The following SKAP2 variants were observed in gnomAD, a reference collection of about 807,000 sequenced individuals.
The protein encoded by SKAP2 is src kinase-associated phosphoprotein 2.
A neutral mutation model predicts 54.9 loss-of-function variants in SKAP2; 28 were observed. The observed-to-expected ratio is 0.51, with a 90% CI of 0.38 to 0.70. The LOEUF is 0.70. Among genes scored for constraint, SKAP2 ranks in the 30% least tolerant of loss-of-function variants. The pLI is 0.00. For missense variants in SKAP2, 356 were observed against 424.1 expected, an observed-to-expected ratio of 0.84 and a Z score of 1.41; for synonymous variants, 137 against 134.3, an observed-to-expected ratio of 1.02 and a Z score of -0.14.
rs371677997 is a variant in SKAP2 at position 26,851,474 on chromosome 7, C to A, written c.199+2663G>T. Among the ~76,000 whole-genome samples, 25 of 151,924 alleles carry A rather than the reference C, an allele frequency of 1.6e-4. No homozygotes were observed. In the East Asian group the frequency reaches 3.5e-3, roughly 21 times the overall value. ...AGCAAACTATTGCAAGGACAAAAAA[C>A]CAAACACCGCGTGTTCTCACTCATA... On this transcript the variant is annotated intron_variant, in intron 3 of 12. Transcript: ENST00000345317.
At chr7:26,689,990 T>A (rs1786746154) in intron 10 of SKAP2, among the ~76,000 whole-genome samples, 1 of 152,234 alleles carries the variant, frequency 6.6e-6, no homozygotes, top group South Asian at 2.1e-4. Flanking sequence ...TCAATGATGA[T>A]AAGCTAATTT....
At chr7:26,674,042 T>C (rs952583578) in intron 11 of SKAP2, among the ~76,000 whole-genome samples, 1 of 152,160 alleles carries the variant, frequency 6.6e-6, no homozygotes, top group East Asian at 1.9e-4. Context: ...GCGAATGATA[T>C]GGTAAAAGAA....
intron 4 of SKAP2, among the ~76,000 whole-genome samples, chr7:26,825,605 C>T (rs1278739197): frequency 3.5e-5 from 5 of 143,590 alleles, no homozygotes; most frequent in African/African-American, 1.3e-4. Context: ...AAAAGGAGAA[C>T]TTTCACTAAC....
chr7:26,715,343 A>T (rs1787405748), intron 9 of SKAP2, among the ~76,000 whole-genome samples: 1 of 144,626 alleles, frequency 6.9e-6, no homozygotes, highest in Non-Finnish European at 1.5e-5. Context: ...AAAAAATCTG[A>T]TCTTTTTTTT....
intron 10 of SKAP2, among the ~76,000 whole-genome samples, chr7:26,685,407 A>C (rs547228832): frequency 2.9e-4 from 44 of 152,338 alleles, no homozygotes; most frequent in African/African-American, 1.0e-3. Context: ...GAAACGGTAT[A>C]AAGAGTAATT....
At chr7:26,842,784 A>C (rs189997512) in intron 4 of SKAP2, among the ~76,000 whole-genome samples, 3 of 151,950 alleles carry the variant, frequency 2.0e-5, no homozygotes, top group African/African-American at 7.2e-5. Context: ...TTCTAGTAGA[A>C]ATGCTTTTGA....
intron 11 of SKAP2, among the ~76,000 whole-genome samples, chr7:26,674,720 A>G (rs1005416935): frequency 2.0e-4 from 31 of 152,192 alleles, no homozygotes; most frequent in African/African-American, 7.5e-4. Context: ...TGTGACTTTG[A>G]GTTCCTCTAA....
intron 4 of SKAP2, among the ~76,000 whole-genome samples, chr7:26,775,221 C>T (rs1783278904): frequency 6.6e-6 from 1 of 152,138 alleles, no homozygotes; most frequent in African/African-American, 2.4e-5. Context: ...CTCAATCTCT[C>T]CTTCTCCAGT....
intron 9 of SKAP2, among the ~76,000 whole-genome samples, chr7:26,704,136 A>C (rs2127947141): frequency 6.6e-6 from 1 of 152,380 alleles, no homozygotes; most frequent in South Asian, 2.1e-4. Flanking sequence ...TCGTTTAAAA[A>C]AATGCTCCTT....
At chr7:26,706,101 T>A (rs765977633) in intron 9 of SKAP2, among the ~76,000 whole-genome samples, 1 of 152,186 alleles carries the variant, frequency 6.6e-6, no homozygotes, top group Admixed American at 6.5e-5. Context: ...AGTCCAACAA[T>A]AACTCTTTCT....
intron 11 of SKAP2, among the ~76,000 whole-genome samples, chr7:26,674,157 TA>T (rs150814086): frequency 6.6e-6 from 1 of 152,028 alleles, no homozygotes; most frequent in African/African-American, 2.4e-5. Flanking sequence ...TTTGCAATGT[TA>T]AAAAAAATTT....
intron 9 of SKAP2, among the ~76,000 whole-genome samples, chr7:26,698,204 G>C (rs559631286): frequency 6.6e-6 from 1 of 152,144 alleles, no homozygotes; most frequent in African/African-American, 2.4e-5. Flanking sequence ...CATATGCAGT[G>C]CATCTTAACC....
At chr7:26,804,570 C>T (rs1783985732) in intron 4 of SKAP2, among the ~76,000 whole-genome samples, 1 of 151,932 alleles carries the variant, frequency 6.6e-6, no homozygotes, top group Admixed American at 6.6e-5. Flanking sequence ...GAAACGCTGT[C>T]TCTATTAAAA....
At chr7:26,789,255 T>G (rs758205900) in intron 4 of SKAP2, among the ~76,000 whole-genome samples, 1 of 152,220 alleles carries the variant, frequency 6.6e-6, no homozygotes, top group Non-Finnish European at 1.5e-5. Flanking sequence ...AATTTTTAGC[T>G]CAAACATTTT....
chr7:26,859,289 T>G (rs1321146706), intron 1 of SKAP2, among the ~76,000 whole-genome samples: 1 of 149,092 alleles, frequency 6.7e-6, no homozygotes, highest in African/African-American at 2.5e-5. Context: ...AAAAAAGACA[T>G]GCTCTTCTCT....
chr7:26,739,490 G>T (rs961868873), intron 5 of SKAP2, among the ~76,000 whole-genome samples: 1 of 152,096 alleles, frequency 6.6e-6, no homozygotes, highest in Non-Finnish European at 1.5e-5. Context: ...ATAGACAATG[G>T]CAGACAAAAC....
chr7:26,712,437 TTA>T (rs1344189630), intron 9 of SKAP2, among the ~76,000 whole-genome samples: 7 of 152,304 alleles, frequency 4.6e-5, no homozygotes, highest in African/African-American at 1.4e-4. Context: ...GGTGTCTTTT[TTA>T]TATGTGTGCA....
At chr7:26,749,118 A>G (rs750149193) in intron 4 of SKAP2, among the ~76,000 whole-genome samples, 3 of 152,194 alleles carry the variant, frequency 2.0e-5, no homozygotes, top group Non-Finnish European at 4.4e-5. Context: ...CAAAAAAAGG[A>G]GGCTGAAAAT....
chr7:26,817,592 T>A (rs1268873212), intron 4 of SKAP2, among the ~76,000 whole-genome samples: 1 of 152,176 alleles, frequency 6.6e-6, no homozygotes, highest in Non-Finnish European at 1.5e-5. Context: ...TTTATTTAAT[T>A]ATAAAACATA....
Sources: allele counts gnomAD v4.1 joint callset (sites outside exome capture counted in the v4.1 genomes callset), GRCh38; gene constraint gnomAD v4.1.1; transcripts MANE v1.5; gene names NCBI Gene and HGNC (gene_info 2026-07-23, HGNC 2026-07-21).